Variants in NFYC observed in about 807,000 individuals in gnomAD.
NFYC encodes nuclear transcription factor Y subunit gamma, also known as CAAT box DNA-binding protein subunit C.
A neutral mutation model predicts 53.1 loss-of-function variants in NFYC; 25 were observed. That is an observed-to-expected ratio of 0.47 (90% CI 0.34 to 0.66). The LOEUF (loss-of-function observed/expected upper bound fraction) is 0.66, where lower values mean the gene tolerates loss of function less well. NFYC is among the 30% of genes least tolerant of loss of function. The probability of loss-of-function intolerance (pLI) is 0.01; values close to 1 mark genes in which losing one functional copy is unlikely to be tolerated. For missense variants in NFYC, 260 were observed against 422.7 expected (o/e 0.62, Z 3.38); for synonymous variants, 145 against 152.6 (o/e 0.95, Z 0.37).
At chr1:40,699,335 A>G (rs74068560) in intron 1 of NFYC, among the ~76,000 whole-genome samples, 2 of 152,280 alleles carry the variant, frequency 1.3e-5, no homozygotes, top group African/African-American at 4.8e-5. Flanking sequence ...CTGTCCAGTA[A>G]TCTCTATGAA....
In NFYC at chr1:40,771,547, G is replaced by C. The variant is rs1164545638; in HGVS notation, c.*719G>C. 2 of 425,702 alleles carry C rather than the reference G, an allele frequency of 4.7e-6. No homozygotes were observed. Among genetic ancestry groups the C allele is most frequent in the Non-Finnish European group, 9.8e-6 (2 of 204,740 alleles). 26.4% of individuals were successfully genotyped at this position (425,702 alleles called of 1,614,324 possible). A position where few individuals can be genotyped will look rare whatever the true frequency, so the allele number is the denominator to read the frequency against. ...TTTAAATGCATTAAAAACTGTGCTA[G>C]TCTCCTTTGCATGGACTTCAAGCTG... On this transcript the variant is annotated 3_prime_UTR_variant, in exon 10 of 10. Coordinates refer to ENST00000447388, the MANE Select transcript of NFYC (RefSeq NM_014223.5).
rs779625850 is a variant in NFYC, at chr1:40,753,133, C to T, written c.292-18C>T. 31 of 1,586,578 alleles carry T rather than the reference C, an allele frequency of 2.0e-5. No homozygotes were observed. The highest frequency in any genetic ancestry group is 4.0e-5 in the African/African-American group (3 of 74,264). ...TTCTCCCCAGGCTAATTTTTCACAC[C>T]GCTCTTCTTTGTTACAGAGAAATGA... On this transcript the variant is annotated intron_variant, in intron 4 of 9. Coordinates refer to ENST00000447388, the MANE Select transcript of NFYC (RefSeq NM_014223.5).
rs563297488 is a variant in NFYC, at chr1:40,719,462, C to T, written c.-8-19374C>T. Among the ~76,000 whole-genome samples the T allele has an allele frequency of 3.3e-5, 5 of 152,308 alleles. No homozygotes were observed. In the South Asian group the frequency reaches 1.0e-3, roughly 32 times the overall value. On this transcript the variant is annotated intron_variant, in intron 1 of 9. Coordinates refer to ENST00000447388, the MANE Select transcript of NFYC (RefSeq NM_014223.5). ...TTATAGAGAAAGGATAGAGTGACTT[C>T]CCATCACCAGGCCCCCAGAAAGTGA...
intron 8 of NFYC, chr1:40,768,759 C>G (rs1570762911): frequency 6.6e-6 from 1 of 152,622 alleles, no homozygotes; most frequent in Admixed American, 6.5e-5. Context: ...CGGTCCCTCC[C>G]CTTTTCTCCT....
chr1:40,693,528 T>C (rs1402466567), intron 1 of NFYC, among the ~76,000 whole-genome samples: 1 of 152,260 alleles, frequency 6.6e-6, no homozygotes. Flanking sequence ...CAACTACATT[T>C]TCTGGAGAAG....
chr1:40,709,111 G>C (rs1643857233), intron 1 of NFYC, among the ~76,000 whole-genome samples: 1 of 152,208 alleles, frequency 6.6e-6, no homozygotes, highest in Non-Finnish European at 1.5e-5. Flanking sequence ...GCATTTGCCA[G>C]ACATTTCCAC....
intron 1 of NFYC, among the ~76,000 whole-genome samples, chr1:40,706,646 A>T (rs1643704275): frequency 1.3e-5 from 2 of 152,100 alleles, no homozygotes; most frequent in Admixed American, 6.5e-5. Context: ...TTGTATTTGA[A>T]TGTGTTGCTA....
intron 1 of NFYC, among the ~76,000 whole-genome samples, chr1:40,733,014 C>CT (rs1553154946): frequency 2.5e-5 from 2 of 79,698 alleles, no homozygotes; most frequent in African/African-American, 8.1e-5. Flanking sequence ...ATTCGCCCCC[C>CT]CCCCCTTTTT....
intron 1 of NFYC, among the ~76,000 whole-genome samples, chr1:40,709,900 T>C (rs1643880757): frequency 6.6e-6 from 1 of 152,236 alleles, no homozygotes; most frequent in Non-Finnish European, 1.5e-5. Flanking sequence ...CTTAACTGTT[T>C]TCCAAATAAT....
At chr1:40,736,676 A>G (rs1645041053) in intron 1 of NFYC, among the ~76,000 whole-genome samples, 1 of 152,116 alleles carries the variant, frequency 6.6e-6, no homozygotes, top group African/African-American at 2.4e-5. Flanking sequence ...AGACATTACA[A>G]TACAGGTTGA....
chr1:40,702,696 TG>T (rs1259219660), intron 1 of NFYC, among the ~76,000 whole-genome samples: 2 of 152,214 alleles, frequency 1.3e-5, no homozygotes, highest in African/African-American at 4.8e-5. Context: ...TATTTTTGTT[TG>T]TTTGTTAAAC....
chr1:40,765,884 TATC>T (rs1468151448), intron 7 of NFYC, among the ~76,000 whole-genome samples: 4 of 152,260 alleles, frequency 2.6e-5, no homozygotes, highest in Non-Finnish European at 5.9e-5. Flanking sequence ...ATTATTGTAT[TATC>T]TGAGATTTAA....
intron 1 of NFYC, among the ~76,000 whole-genome samples, chr1:40,717,535 G>A (rs1368637773): frequency 6.6e-6 from 1 of 152,120 alleles, no homozygotes; most frequent in East Asian, 1.9e-4. Flanking sequence ...AACTAAATGA[G>A]GGCATCATTA....
At position 40,749,496 on chromosome 1, in the gene NFYC, C is replaced by T. The variant is rs1265419633; in HGVS notation, c.178-77C>T. 6 of 1,130,872 alleles carry T rather than the reference C, an allele frequency of 5.3e-6. No homozygotes were observed. In the African/African-American group the frequency reaches 9.2e-5, roughly 17 times the overall value. The allele number at this position is 1,130,872 out of a possible 1,614,324, so 70.1% of individuals were successfully genotyped here. Reference sequence around the variant, plus strand: ...TTGACCCTTGCCCCATAGTCCCATGCCAGGCAATGAGGCAAGAGACAGACT... The same window carrying T: ...TTGACCCTTGCCCCATAGTCCCATGTCAGGCAATGAGGCAAGAGACAGACT... On this transcript the variant is annotated intron_variant, in intron 3 of 9. Coordinates refer to ENST00000447388, the MANE Select transcript of NFYC (RefSeq NM_014223.5).
chr1:40,749,423 C>T (rs576793239), intron 3 of NFYC, 150 bp from the exon 4 acceptor site: 3 of 633,244 alleles, frequency 4.7e-6, no homozygotes, highest in Admixed American at 5.3e-5. Context: ...TGTTCCCACT[C>T]ATGGATTTAT....
chr1:40,758,313 A>T lies in NFYC; in HGVS notation c.561+19A>T, dbSNP rs1184470245. On this transcript the variant is annotated intron_variant, in intron 6 of 9. Transcript: ENST00000447388. ...GGGCCAGGTCTGTGAGCTGCTGAGG[A>T]TGCCCATCCAGCAAGACAGTGCCCC... 2.5e-6 allele frequency: 4 copies of T among 1,591,370 alleles called. No individual in the cohort carries two copies. The highest frequency in any genetic ancestry group is 3.4e-6 in the Non-Finnish European group (4 of 1,166,894).
rs116590100 is a variant in NFYC, at chr1:40,756,708, A to G, written c.388-1413A>G. Among the ~76,000 whole-genome samples, 294 of 152,332 alleles carry G rather than the reference A, an allele frequency of 1.9e-3. 2 individuals carry two copies. The highest frequency in any genetic ancestry group is 5.9e-3 in the African/African-American group (246 of 41,568). On this transcript the variant is annotated intron_variant, in intron 5 of 9. Transcript: ENST00000447388. ...TCTATTGGTAACAGCTGTTGGGTTT[A>G]AGAGAATTTGTCATATCAGCAAGTT...
At chr1:40,759,326 C>T (rs972640732) in intron 6 of NFYC, among the ~76,000 whole-genome samples, 2 of 151,508 alleles carry the variant, frequency 1.3e-5, no homozygotes, top group African/African-American at 4.9e-5. Context: ...CTTGAGCCCA[C>T]GTGTTCAAGA....
chr1:40,693,944 A>G (rs936154361), intron 1 of NFYC, among the ~76,000 whole-genome samples: 1 of 152,250 alleles, frequency 6.6e-6, no homozygotes, highest in Non-Finnish European at 1.5e-5. Context: ...TAGGTATTCA[A>G]ATCATATCCC....
Sources: allele counts gnomAD v4.1 joint callset (sites outside exome capture counted in the v4.1 genomes callset), GRCh38; gene constraint gnomAD v4.1.1; transcripts MANE v1.5; gene names NCBI Gene and HGNC (gene_info 2026-07-23, HGNC 2026-07-21).